The following ERC2 variants were observed in gnomAD, a reference collection of about 807,000 sequenced individuals.
ERC2 encodes ELKS/RAB6-interacting/CAST family member 2, also known as ERC protein 2.
In ERC2, 42 loss-of-function variants were observed where a neutral mutation model predicts 114.8. The observed-to-expected ratio is 0.37, with a 90% CI of 0.29 to 0.47. The LOEUF (loss-of-function observed/expected upper bound fraction) is 0.47. Among genes scored for constraint, ERC2 ranks in the 20% least tolerant of loss-of-function variants. ERC2 has a pLI of 0.99. For missense variants in ERC2, 939 were observed against 1,150.7 expected (o/e 0.82, Z 2.66); for synonymous variants, 454 against 425.5 (o/e 1.07, Z -0.82).
intron 3 of ERC2, among the ~76,000 whole-genome samples, chr3:56,247,441 G>A (rs1439571767): frequency 6.6e-6 from 1 of 152,138 alleles, no homozygotes; most frequent in Non-Finnish European, 1.5e-5. Flanking sequence ...AAAGTAATTT[G>A]TGCTCTTTAA....
chr3:55,551,513 A>G (rs2055206640), intron 17 of ERC2, among the ~76,000 whole-genome samples: 1 of 152,164 alleles, frequency 6.6e-6, no homozygotes, highest in African/African-American at 2.4e-5. Context: ...ACAGAGTGCG[A>G]TTCCGTCTCA....
At chr3:56,383,378 T>C (rs2059823033) in intron 2 of ERC2, among the ~76,000 whole-genome samples, 2 of 152,232 alleles carry the variant, frequency 1.3e-5, no homozygotes, top group Admixed American at 1.3e-4. Context: ...TTCAGACTTC[T>C]GATACTACTA....
chr3:56,306,991 G>GCCT (rs1027387750), intron 2 of ERC2, among the ~76,000 whole-genome samples: 107 of 152,320 alleles, frequency 7.0e-4, no homozygotes, highest in African/African-American at 2.4e-3. Context: ...CAGAGCCTGT[G>GCCT]CCTACAGCCA....
At chr3:55,965,782 CTCT>C (rs1457465262) in intron 12 of ERC2, among the ~76,000 whole-genome samples, 4 of 152,206 alleles carry the variant, frequency 2.6e-5, no homozygotes, top group African/African-American at 9.6e-5. Flanking sequence ...GATCTTTCCA[CTCT>C]TCTTCTCGTA....
chr3:55,694,752 A>T (rs1362602566), intron 16 of ERC2, among the ~76,000 whole-genome samples: 1 of 152,228 alleles, frequency 6.6e-6, no homozygotes, highest in Non-Finnish European at 1.5e-5. Flanking sequence ...AAGTGCTTTA[A>T]CACATAGAAG....
intron 3 of ERC2, among the ~76,000 whole-genome samples, chr3:56,209,558 G>T (rs2048936796): frequency 6.6e-6 from 1 of 152,152 alleles, no homozygotes; most frequent in Non-Finnish European, 1.5e-5. Flanking sequence ...CATAGCCAGT[G>T]CTAAGGAAAT....
intron 17 of ERC2, among the ~76,000 whole-genome samples, chr3:55,520,369 G>A (rs1255221309): frequency 6.6e-6 from 1 of 150,410 alleles, no homozygotes; most frequent in African/African-American, 2.5e-5. Context: ...CCAGGAGGCC[G>A]AGGTTGCAGT....
At chr3:55,695,488 C>G (rs1419186755) in intron 16 of ERC2, among the ~76,000 whole-genome samples, 1 of 152,186 alleles carries the variant, frequency 6.6e-6, no homozygotes, top group Non-Finnish European at 1.5e-5. Context: ...TACATCTTCT[C>G]CAAATCTTCC....
In ERC2 at chr3:55,610,324, C is replaced by G. The variant is rs115460151; in HGVS notation, c.*39+73470G>C. Among the ~76,000 whole-genome samples, 816 of 152,102 alleles carry G rather than the reference C, an allele frequency of 5.4e-3. 10 individuals are homozygous for G. The highest frequency in any genetic ancestry group is 0.019 in the African/African-American group (784 of 41,484). ...AGCTCCCCATTTCCTGGTTAAAAACCACTGCTGACAGCATCTTTAAAAACA... is the reference window on the plus strand; with the variant it reads ...AGCTCCCCATTTCCTGGTTAAAAACGACTGCTGACAGCATCTTTAAAAACA... On this transcript the variant is annotated intron_variant, in intron 17 of 17. Coordinates refer to ENST00000288221, the MANE Select transcript of ERC2 (RefSeq NM_015576.3).
intron 17 of ERC2, among the ~76,000 whole-genome samples, chr3:55,589,215 CAAAAAAAAA>C (rs5849104): frequency 7.0e-5 from 7 of 99,818 alleles, no homozygotes; most frequent in Non-Finnish European, 7.7e-5. Context: ...CAGTCACTAC[CAAAAAAAAA>C]AAAAAAAAAA....
intron 3 of ERC2, among the ~76,000 whole-genome samples, chr3:56,274,438 C>T (rs1166936610): frequency 6.6e-6 from 1 of 152,114 alleles, no homozygotes; most frequent in Non-Finnish European, 1.5e-5. Flanking sequence ...TCCTGAAGAA[C>T]CTGAATACAC....
chr3:56,289,244 C>T (rs1219089969), intron 3 of ERC2, among the ~76,000 whole-genome samples: 2 of 152,194 alleles, frequency 1.3e-5, no homozygotes, highest in Non-Finnish European at 2.9e-5. Flanking sequence ...TCAAATCTCC[C>T]AGCACTCAGT....
At chr3:56,463,151 C>T (rs902819476) in intron 1 of ERC2, among the ~76,000 whole-genome samples, 7 of 152,192 alleles carry the variant, frequency 4.6e-5, no homozygotes, top group South Asian at 2.1e-4. Context: ...TCACTTGAGC[C>T]GGGGAAGTCA....
At chr3:55,764,120 T>C (rs1048454742) in intron 14 of ERC2, among the ~76,000 whole-genome samples, 2 of 152,244 alleles carry the variant, frequency 1.3e-5, no homozygotes, top group Non-Finnish European at 2.9e-5. Context: ...TTTCTTTTTA[T>C]GGATACAGCC....
chr3:55,553,011 A>ATTTTTTT lies in ERC2; in HGVS notation c.*40-41742_*40-41736dup, dbSNP rs66602607. ...GTCGTTATTATTGTGGGGCTTCCAG[A>ATTTTTTT]TTTTTTTTTTTTTTTTTTTTTTTTT... On this transcript the variant is annotated intron_variant, in intron 17 of 17. Transcript: ENST00000288221. Among the ~76,000 whole-genome samples the ATTTTTTT allele has an allele frequency of 1.6e-3, 90 of 55,216 alleles. 15 individuals carry two copies. Among genetic ancestry groups the ATTTTTTT allele is most frequent in the Middle Eastern group, 0.016 (1 of 64 alleles). The allele number at this position is 55,216 out of a possible 152,430, so 36.2% of individuals were successfully genotyped here.
chr3:55,554,920 G>T (rs2055492122), intron 17 of ERC2, among the ~76,000 whole-genome samples: 1 of 152,184 alleles, frequency 6.6e-6, no homozygotes, highest in Non-Finnish European at 1.5e-5. Context: ...CCTCTGGAAA[G>T]GAAGGAGGGG....
intron 2 of ERC2, among the ~76,000 whole-genome samples, chr3:56,340,699 G>A (rs1042885745): frequency 4.6e-5 from 7 of 152,068 alleles, no homozygotes; most frequent in African/African-American, 1.7e-4. Flanking sequence ...CCAAACTCGT[G>A]CCCTGAGGAC....
rs190956728 is a variant in ERC2 at position 56,111,421 on chromosome 3, C to A, written c.1473+28088G>T. ...TCTCTCTCTCTCAGTTCTATCCCCC[C>A]CTCTCTCTCACCAGCTCCAAGAGTG... On this transcript the variant is annotated intron_variant, in intron 6 of 17. Transcript: ENST00000288221. Among the ~76,000 whole-genome samples, 18 of 151,616 alleles carry A rather than the reference C, an allele frequency of 1.2e-4. 1 individual carries two copies. Among genetic ancestry groups the A allele is most frequent in the South Asian group, 8.4e-4 (4 of 4,774 alleles).
chr3:55,648,948 C>A (rs910798854), intron 17 of ERC2, among the ~76,000 whole-genome samples: 5 of 152,132 alleles, frequency 3.3e-5, no homozygotes, highest in Non-Finnish European at 5.9e-5. Context: ...ACACACTGGA[C>A]AATTTGCCAC....
Sources: allele counts gnomAD v4.1 joint callset (sites outside exome capture counted in the v4.1 genomes callset), GRCh38; gene constraint gnomAD v4.1.1; transcripts MANE v1.5; gene names NCBI Gene and HGNC (gene_info 2026-07-23, HGNC 2026-07-21).